Variants in PLCL2 observed in about 807,000 individuals in gnomAD.
PLCL2 encodes the protein inactive phospholipase C-like protein 2.
PLCL2 carries 4 observed loss-of-function variants against 79.6 expected under a neutral mutation model. That is an observed-to-expected ratio of 0.05 (90% CI 0.02 to 0.11). The LOEUF is 0.11. PLCL2 is among the 10% of genes least tolerant of loss of function. The pLI is 1.00. For synonymous variants in PLCL2, 484 were observed against 457.7 expected, an observed-to-expected ratio of 1.06 and a Z score of -0.73; for missense variants, 895 against 1,291.0, an observed-to-expected ratio of 0.69 and a Z score of 4.70.
chr3:16,985,992 G>A (rs1474601340), intron 1 of PLCL2, among the ~76,000 whole-genome samples: 1 of 152,054 alleles, frequency 6.6e-6, no homozygotes, highest in Non-Finnish European at 1.5e-5. Context: ...AGTCTGAGCG[G>A]CTTTGGGCAT....
chr3:16,967,453 G>A (rs1388393029), intron 1 of PLCL2, among the ~76,000 whole-genome samples: 4 of 151,894 alleles, frequency 2.6e-5, no homozygotes, highest in Admixed American at 6.6e-5. Context: ...TTTAATAGTC[G>A]CCATTCTGAC....
At chr3:16,941,745 T>C (rs2063549852) in intron 1 of PLCL2, among the ~76,000 whole-genome samples, 1 of 152,108 alleles carries the variant, frequency 6.6e-6, no homozygotes, top group South Asian at 2.1e-4. Context: ...CACCCTGTAA[T>C]TGTGACCCAT....
At chr3:17,048,395 A>G (rs1009496897) in intron 4 of PLCL2, among the ~76,000 whole-genome samples, 2 of 152,212 alleles carry the variant, frequency 1.3e-5, no homozygotes, top group Non-Finnish European at 2.9e-5. Flanking sequence ...ACCATGTAGC[A>G]TGGAAATATC....
At chr3:17,047,068 A>G (rs551920132) in intron 4 of PLCL2, among the ~76,000 whole-genome samples, 9 of 152,220 alleles carry the variant, frequency 5.9e-5, no homozygotes, top group Non-Finnish European at 1.2e-4. Context: ...AAGGGAAACA[A>G]TCAGCTAAAG....
At chr3:17,076,516 T>C (rs1021316978) in intron 5 of PLCL2, among the ~76,000 whole-genome samples, 1 of 150,944 alleles carries the variant, frequency 6.6e-6, no homozygotes, top group East Asian at 1.9e-4. Flanking sequence ...TAAAAAAAAA[T>C]TTTTTTGAGA....
rs558699607 is a variant in PLCL2, at chr3:16,887,730, T to C, written c.327+2364T>C. 6.6e-6 allele frequency among the ~76,000 whole-genome samples: 1 copy of C among 152,106 alleles called. No homozygotes were observed. Among genetic ancestry groups the C allele is most frequent in the East Asian group, 1.9e-4 (1 of 5,184 alleles). On this transcript the variant is annotated intron_variant, in intron 1 of 5. Coordinates refer to ENST00000615277, the MANE Select transcript of PLCL2 (RefSeq NM_001144382.2). This position sits in a 1 kb window ranked among gnomAD's most constrained non-coding sequence, Gnocchi z 4.1. ...ACAAAGTCTTTAACATCAAATTTCATAAAGCAACAAATACTGCACAGATAG... is the reference window on the plus strand; with the variant it reads ...ACAAAGTCTTTAACATCAAATTTCACAAAGCAACAAATACTGCACAGATAG...
At chr3:16,910,677 T>C (rs1696858530) in intron 1 of PLCL2, among the ~76,000 whole-genome samples, 1 of 152,094 alleles carries the variant, frequency 6.6e-6, no homozygotes. Context: ...GACTCTCTTC[T>C]ATGATCCAAG....
chr3:17,067,846 C>G (rs2065024973), intron 4 of PLCL2, 110 bp from the exon 5 acceptor site: 8 of 593,594 alleles, frequency 1.3e-5, no homozygotes, highest in Non-Finnish European at 2.4e-5. Flanking sequence ...TTATGAAATT[C>G]CACTGGAGGT....
chr3:16,935,576 C>G (rs1044200823), intron 1 of PLCL2, among the ~76,000 whole-genome samples: 1 of 151,880 alleles, frequency 6.6e-6, no homozygotes, highest in Admixed American at 6.6e-5. Flanking sequence ...TCTTTTTGAT[C>G]GGAATAATAA....
At chr3:17,052,838 CT>C (rs1246711176) in intron 4 of PLCL2, among the ~76,000 whole-genome samples, 1 of 152,100 alleles carries the variant, frequency 6.6e-6, no homozygotes, top group East Asian at 1.9e-4. Context: ...GTTTTCTTTT[CT>C]TTATCTTACC....
intron 1 of PLCL2, among the ~76,000 whole-genome samples, chr3:16,946,668 G>A (rs571618993): frequency 1.3e-5 from 2 of 152,154 alleles, no homozygotes; most frequent in African/African-American, 4.8e-5. Context: ...TCTTGTAACT[G>A]TTTTAAATTT....
In PLCL2 at chr3:17,081,932, A is replaced by G. The variant is rs980883521; in HGVS notation, c.3205-7801A>G. ...GAAAACAAAATAGAATAAGTTAAAAAAATTCAAACCAGAATGTGCGAAATC... is the reference window on the plus strand; with the variant it reads ...GAAAACAAAATAGAATAAGTTAAAAGAATTCAAACCAGAATGTGCGAAATC... On this transcript the variant is annotated intron_variant, in intron 5 of 5. Transcript: ENST00000615277. Among the ~76,000 whole-genome samples, 3 of 152,350 alleles carry G rather than the reference A, an allele frequency of 2.0e-5. No individual in the cohort carries two copies. The East Asian group carries it at 5.8e-4, about 29-fold the overall frequency.
intron 1 of PLCL2, among the ~76,000 whole-genome samples, chr3:16,987,530 G>A (rs75128792): frequency 0.011 from 1,637 of 152,206 alleles, 32 homozygotes; most frequent in Admixed American, 0.046. Flanking sequence ...TGAAAAATAC[G>A]TGACATTTAT....
intron 3 of PLCL2, among the ~76,000 whole-genome samples, chr3:17,037,534 A>G (rs1160941309): frequency 1.3e-5 from 2 of 152,168 alleles, no homozygotes; most frequent in Non-Finnish European, 2.9e-5. Context: ...TTGTAACTTC[A>G]TTAGAAACAG....
At chr3:16,964,071 G>A (rs1047841579) in intron 1 of PLCL2, among the ~76,000 whole-genome samples, 3 of 151,742 alleles carry the variant, frequency 2.0e-5, no homozygotes, top group African/African-American at 4.8e-5. Flanking sequence ...TGTGCACAAC[G>A]TGCAGGTTTG....
In PLCL2 at chr3:16,918,172, C is replaced by T. The variant is rs574086278; in HGVS notation, c.327+32806C>T. Among the ~76,000 whole-genome samples the T allele has an allele frequency of 5.3e-5, 8 of 152,184 alleles. No individual in the cohort carries two copies. In the East Asian group the frequency reaches 1.5e-3, roughly 29 times the overall value. ...CTAAAGTAAGGCTGTAAGATTGTGC[C>T]AGGTTATTATAAGGAAGAACAGATT... On this transcript the variant is annotated intron_variant, in intron 1 of 5. Coordinates refer to ENST00000615277, the MANE Select transcript of PLCL2 (RefSeq NM_001144382.2).
intron 3 of PLCL2, among the ~76,000 whole-genome samples, chr3:17,039,225 C>T (rs2064692310): frequency 6.6e-6 from 1 of 152,196 alleles, no homozygotes; most frequent in African/African-American, 2.4e-5. Context: ...CTGGTGGCCC[C>T]ATGTTGCCTC....
chr3:16,932,898 CT>C, intron 1 of PLCL2, among the ~76,000 whole-genome samples: 1 of 152,132 alleles, frequency 6.6e-6, no homozygotes, highest in African/African-American at 2.4e-5. Context: ...GATTTTCTTT[CT>C]TTTTTCCTTC....
intron 1 of PLCL2, among the ~76,000 whole-genome samples, chr3:16,917,024 T>C (rs1306121330): frequency 6.6e-6 from 1 of 152,208 alleles, no homozygotes; most frequent in Non-Finnish European, 1.5e-5. Context: ...TGGCAGTAAC[T>C]GGAGAATGAG....
Sources: gnomAD v4.1 joint callset for allele counts (sites outside exome capture counted in the v4.1 genomes callset) on GRCh38, gnomAD v4.1.1 for gene constraint, Gnocchi (gnomAD v3.1) non-coding constraint, MANE v1.5 for transcripts, NCBI Gene and HGNC (gene_info 2026-07-23, HGNC 2026-07-21) for gene names.